The following ZNF768 variants were observed in gnomAD, a reference collection of about 807,000 sequenced individuals.
ZNF768 encodes the protein zinc finger protein 768.
A neutral mutation model predicts 39.7 loss-of-function variants in ZNF768; 12 were observed. That is an observed-to-expected ratio of 0.30 (90% CI 0.19 to 0.49). ZNF768 has a LOEUF of 0.49. Among genes scored for constraint, ZNF768 ranks in the 20% least tolerant of loss-of-function variants. The pLI, the probability that ZNF768 is intolerant of heterozygous loss-of-function variation, is 0.99. For synonymous variants in ZNF768, 360 were observed against 288.4 expected (o/e 1.25, Z -2.52); for missense variants, 613 against 723.2 (o/e 0.85, Z 1.75).
rs1249811621 is a variant in ZNF768, at chr16:30,524,953, G to T, written c.1187C>A (p.Thr396Asn). ...SSLRSHQRVHTGQRPFSCGIC... is the reference protein window; with the variant it reads ...SSLRSHQRVHNGQRPFSCGIC... ...GCCACAGCTGAAGGGCCTCTGACCG[G>T]TGTGCACCCTCTGATGGCTGCGCAG... is the stretch of plus-strand genomic sequence containing the variant. The change falls in exon 2 of 2, where the codon ACC (threonine) becomes AAC (asparagine). Residue 396 changes from threonine to asparagine, a missense_variant. Thr to Asn is a moderately conservative substitution (Grantham distance 65). This residue lies in a region of ZNF768 where 204 missense variants were observed against 281.7 expected (regional missense o/e 0.72). Transcript: ENST00000380412. 1 of 1,612,974 alleles carries T rather than the reference G, an allele frequency of 6.2e-7. No homozygotes were observed. The highest frequency in any genetic ancestry group is 8.5e-7 in the Non-Finnish European group (1 of 1,179,760).
upstream of ZNF768, among the ~76,000 whole-genome samples, chr16:30,528,944 A>T (rs1214124445): frequency 1.3e-5 from 2 of 152,242 alleles, no homozygotes; most frequent in African/African-American, 4.8e-5. Context: ...CACAGCTCTG[A>T]CACCGTACAC....
Position 30,526,453 on chromosome 16 carries a change from C to A in ZNF768, c.-40G>T. On this transcript the variant is annotated 5_prime_UTR_variant, in exon 1 of 2. Transcript: ENST00000380412. ...AGTGCAGCGGCGGCGGCGATGGCGG[C>A]CGATCCCGCGACCCGGCCTCGGTTG... The A allele has an allele frequency of 6.6e-7, 1 of 1,510,950 alleles. No homozygotes were observed. Among genetic ancestry groups the A allele is most frequent in the Non-Finnish European group, 8.8e-7 (1 of 1,130,446 alleles). The allele number at this position is 1,510,950 out of a possible 1,614,324, so 93.6% of individuals were successfully genotyped here. A position where few individuals can be genotyped will look rare whatever the true frequency, so the allele number is the denominator to read the frequency against.
upstream of ZNF768, chr16:30,530,850 T>C (rs1359492555): frequency 6.6e-6 from 1 of 152,336 alleles, no homozygotes; most frequent in African/African-American, 2.4e-5. The surrounding 1 kb of genome is among the most constrained non-coding windows in gnomAD (Gnocchi z 4.4). Flanking sequence ...GGGCAGGTGT[T>C]GTCCTGACCA....
rs1159223737 is a variant in ZNF768 at position 30,524,888 on chromosome 16, G to A, written c.1252C>T (p.Pro418Ser). The stretch of plus-strand genomic sequence containing the variant: ...TCCCGGGCGTGGCTGCGGGCATGGG[G>A]GATAAGGGCCGACCGCTGGGAGAAG... ...KSFSQRSALIPHARSHAREKP... is the reference protein window; with the variant it reads ...KSFSQRSALISHARSHAREKP... Residue 418 changes from proline (P) to serine (S), a missense_variant, in exon 2 of 2, where the codon CCC becomes TCC. Pro to Ser is a moderately conservative substitution (Grantham distance 74, BLOSUM62 -1). This residue lies in a region of ZNF768 where 204 missense variants were observed against 281.7 expected (regional missense o/e 0.72). Coordinates refer to ENST00000380412, the MANE Select transcript of ZNF768 (RefSeq NM_024671.4). 1.2e-6 allele frequency: 2 copies of A among 1,612,272 alleles called. No individual in the cohort carries two copies. The highest frequency in any genetic ancestry group is 1.3e-5 in the African/African-American group (1 of 75,046).
Position 30,525,973 on chromosome 16 carries a change from A to T in ZNF768, c.167T>A (p.Phe56Tyr). The stretch of plus-strand genomic sequence containing the variant: ...CCCAGGGCTCTGGGGTTCAAGCCCA[A>T]ATGGTATCTCTTCGACTTCATAGTC... Reference protein sequence around the residue: ...SGDYEVEEIPFGLEPQSPGFE... With the variant: ...SGDYEVEEIPYGLEPQSPGFE... The change falls in exon 2 of 2, where the codon TTT (phenylalanine) becomes TAT (tyrosine). Residue 56 changes from phenylalanine (F) to tyrosine (Y), a missense_variant. Around this residue, in one of 4 missense-constraint regions of ZNF768, gnomAD observed 347 missense variants for 326.1 expected, o/e 1.06. Transcript: ENST00000380412. 1.3e-6 allele frequency: 2 copies of T among 1,506,854 alleles called. No individual in the cohort carries two copies. The highest frequency in any genetic ancestry group is 1.8e-6 in the Non-Finnish European group (2 of 1,130,552). The allele number at this position is 1,506,854 out of a possible 1,614,324, so 93.3% of individuals were successfully genotyped here.
rs2051315751 is a variant in ZNF768, at chr16:30,525,660, G to A, written c.480C>T (p.Ser160=). 1.9e-6 allele frequency: 3 copies of A among 1,614,212 alleles called. No homozygotes were observed. Among genetic ancestry groups the A allele is most frequent in the Non-Finnish European group, 1.7e-6 (2 of 1,180,014 alleles). Residue 160 remains serine, a synonymous_variant, in exon 2 of 2, where the codon AGC becomes AGT. Transcript: ENST00000380412. ...TGGAACTTTGAGCTTCAAATTCTGG[G>A]CTTTGGGTTTTGAGCTCAGTGTTCT... ...ESQNTELKTQ[S]PEFEAQSSKF... is the part of the protein sequence containing the mutation.
At chr16:30,527,401 T>C (rs2051337465), upstream of ZNF768, 1 of 871,002 alleles carries the variant, frequency 1.1e-6, no homozygotes, top group Non-Finnish European at 1.4e-6. Flanking sequence ...AGGCACAGCT[T>C]CTCCGCCCCA....
In ZNF768 at chr16:30,525,159, G is replaced by C; in HGVS notation, c.981C>G (p.Ala327=). ...GGTGGCGAAGCAGGTAAGAGCTGTC[G>C]GCGAAGGCCTTGCCGCAACGGGGAC... ...YKCPRCGKAF[A]DSSYLLRHQR... is the part of the protein sequence containing the mutation. Residue 327 remains alanine, a synonymous_variant, in exon 2 of 2, where the codon GCC becomes GCG. Transcript: ENST00000380412. 5 of 1,613,968 alleles carry C rather than the reference G, an allele frequency of 3.1e-6. No individual in the cohort carries two copies. The highest frequency in any genetic ancestry group is 4.2e-6 in the Non-Finnish European group (5 of 1,179,970).
chr16:30,524,327 C>CTGGAGA lies in ZNF768; in HGVS notation c.*189_*190insTCTCCA. ...TCTCCCAGGGCCTCCCGCTGCCGGCCTGGCCTCCCTCCAACCCACTTCCCA... is the reference window on the plus strand; with the variant it reads ...TCTCCCAGGGCCTCCCGCTGCCGGCCTGGAGATGGCCTCCCTCCAACCCACTTCCCA... On this transcript the variant is annotated 3_prime_UTR_variant, in exon 2 of 2. Transcript: ENST00000380412. The CTGGAGA allele has an allele frequency of 5.2e-6, 5 of 966,182 alleles. No individual in the cohort carries two copies. The South Asian group carries it at 7.6e-5, about 15-fold the overall frequency. 59.9% of individuals were successfully genotyped at this position (966,182 alleles called of 1,614,324 possible).
upstream of ZNF768, chr16:30,526,624 C>T (rs2051329050): frequency 1.8e-5 from 18 of 995,574 alleles, no homozygotes; most frequent in Non-Finnish European, 2.2e-5. Context: ...CCCGCCCCCT[C>T]CCAAGGTCTC....
In ZNF768 at chr16:30,524,425, T is replaced by G. The variant is rs1305525101; in HGVS notation, c.*92A>C. The G allele has an allele frequency of 2.0e-6, 3 of 1,496,784 alleles. No individual in the cohort carries two copies. Among genetic ancestry groups the G allele is most frequent in the Admixed American group, 2.3e-5 (1 of 44,312 alleles). The allele number at this position is 1,496,784 out of a possible 1,614,324, so 92.7% of individuals were successfully genotyped here. A position where few individuals can be genotyped will look rare whatever the true frequency, so the allele number is the denominator to read the frequency against. On this transcript the variant is annotated 3_prime_UTR_variant, in exon 2 of 2. Transcript: ENST00000380412. ...AGCATCCTCAGCTCCTCCATTCTCCTGCGGCTTCTCCACTATCCTCCCTAA... is the reference window on the plus strand; with the variant it reads ...AGCATCCTCAGCTCCTCCATTCTCCGGCGGCTTCTCCACTATCCTCCCTAA...
chr16:30,526,245 C>G, intron 1 of ZNF768, 81 bp downstream of exon 1: 2 of 1,583,630 alleles, frequency 1.3e-6, no homozygotes, highest in Non-Finnish European at 8.6e-7. Context: ...GTCCCAGCCC[C>G]GGGCCCTCGC....
At chr16:30,531,260 G>C (rs764854668), upstream of ZNF768, 5 of 152,216 alleles carry the variant, frequency 3.3e-5, no homozygotes, top group Non-Finnish European at 5.9e-5. Context: ...CAGTAAGTTG[G>C]GAGTTCTGGC....
Position 30,525,513 on chromosome 16 carries a change from G to A in ZNF768, c.627C>T (p.Asp209=), listed in dbSNP as rs1373266745. The A allele has an allele frequency of 6.2e-7, 1 of 1,614,188 alleles. No homozygotes were observed. Among genetic ancestry groups the A allele is most frequent in the African/African-American group, 1.3e-5 (1 of 75,062 alleles). The change falls in exon 2 of 2, where the codon GAC becomes GAT. Residue 209 remains aspartate (D), a synonymous_variant. Coordinates refer to ENST00000380412, the MANE Select transcript of ZNF768 (RefSeq NM_024671.4). ...TQGFGEQPTG[D]LPIGPPFEMP... Reference sequence around the variant, plus strand: ...TCTCAAAAGGTGGCCCTATGGGCAGGTCCCCTGTGGGCTGCTCCCCAAACC... The same window carrying A: ...TCTCAAAAGGTGGCCCTATGGGCAGATCCCCTGTGGGCTGCTCCCCAAACC...
At chr16:30,531,348 G>A (rs964467612), upstream of ZNF768, 1 of 152,174 alleles carries the variant, frequency 6.6e-6, no homozygotes, top group Non-Finnish European at 1.5e-5. Context: ...TTCAAGAGAT[G>A]CCAGAAACCT....
upstream of ZNF768, chr16:30,531,323 G>T (rs987306194): frequency 6.6e-6 from 1 of 152,200 alleles, no homozygotes; most frequent in Non-Finnish European, 1.5e-5. Context: ...GTGAACTTGC[G>T]AAATCTTTGG....
chr16:30,527,404 C>T, upstream of ZNF768: 1 of 858,132 alleles, frequency 1.2e-6, no homozygotes, highest in Non-Finnish European at 1.4e-6. Flanking sequence ...CACAGCTTCT[C>T]CGCCCCAGGA....
upstream of ZNF768, among the ~76,000 whole-genome samples, chr16:30,529,702 G>A (rs2051353854): frequency 1.3e-5 from 2 of 152,040 alleles, no homozygotes; most frequent in Admixed American, 6.6e-5. Flanking sequence ...AAAACTAAGA[G>A]CAGTTTGAAA....
At chr16:30,531,228 G>C (rs1415364050), upstream of ZNF768, 1 of 152,268 alleles carries the variant, frequency 6.6e-6, no homozygotes, top group Non-Finnish European at 1.5e-5. Context: ...GTCAGGAGCT[G>C]ATGGGATGAG....
Sources: allele counts gnomAD v4.1 joint callset (sites outside exome capture counted in the v4.1 genomes callset), GRCh38; gene constraint gnomAD v4.1.1; regional missense constraint gnomAD v4.1.1; non-coding constraint Gnocchi (gnomAD v3.1); transcripts MANE v1.5; gene names NCBI Gene and HGNC (gene_info 2026-07-23, HGNC 2026-07-21).